Variants in RBBP5 observed in about 807,000 individuals in gnomAD.
The protein encoded by RBBP5 is retinoblastoma-binding protein 5.
In RBBP5, 5 loss-of-function variants were observed where a neutral mutation model predicts 72.2. The ratio of observed to expected loss-of-function variants is 0.07; its 90% CI spans 0.04 to 0.15. RBBP5 has a LOEUF of 0.15. RBBP5 is among the 10% of genes least tolerant of loss of function. The pLI is 1.00. For missense variants in RBBP5, 322 were observed against 652.2 expected (o/e 0.49, Z 5.51); for synonymous variants, 209 against 237.2 (o/e 0.88, Z 1.09).
rs556470217 is a variant in RBBP5, at chr1:205,106,554, C to T, written c.219-1386G>A. 9.4e-5 allele frequency among the ~76,000 whole-genome samples: 14 copies of T among 148,870 alleles called. No homozygotes were observed. The East Asian group carries it at 2.3e-3, about 25-fold the overall frequency. On this transcript the variant is annotated intron_variant, in intron 3 of 13. Coordinates refer to ENST00000264515, the MANE Select transcript of RBBP5 (RefSeq NM_005057.4). Reference sequence around the variant, plus strand: ...CAGAAGTTGCAGTGACCCAAGATGGCGCCACTGGGCTCCAGCCTAGGCAAC... The same window carrying T: ...CAGAAGTTGCAGTGACCCAAGATGGTGCCACTGGGCTCCAGCCTAGGCAAC...
chr1:205,093,412 T>A (rs1294307360), intron 13 of RBBP5, among the ~76,000 whole-genome samples: 1 of 140,352 alleles, frequency 7.1e-6, no homozygotes, highest in Non-Finnish European at 1.5e-5. Context: ...TGAGCTGAGA[T>A]CGCACCACTG....
At chr1:205,118,668 A>C (rs1378699329) in intron 1 of RBBP5, among the ~76,000 whole-genome samples, 2 of 152,170 alleles carry the variant, frequency 1.3e-5, no homozygotes, top group African/African-American at 4.8e-5. Context: ...ATCAGAGAAC[A>C]CTGAACATAA....
intron 6 of RBBP5, 52 bp downstream of exon 6, chr1:205,101,548 T>C: frequency 7.8e-7 from 1 of 1,282,074 alleles, no homozygotes; most frequent in Non-Finnish European, 1.1e-6. Context: ...CATGTATTTT[T>C]GCATTCTATT....
Position 205,103,889 on chromosome 1 carries a change from C to T in RBBP5, c.490G>A (p.Glu164Lys). 1 of 1,614,028 alleles carries T rather than the reference C, an allele frequency of 6.2e-7. No homozygotes were observed. The highest frequency in any genetic ancestry group is 1.1e-5 in the South Asian group (1 of 91,080). Residue 164 changes from glutamate (E) to lysine (K), a missense_variant, in exon 5 of 14, where the codon GAA (glutamate) becomes AAA (lysine). Glu to Lys is a moderately conservative substitution (Grantham distance 56, BLOSUM62 1). This residue lies in a region of RBBP5 where 161 missense variants were observed against 327.8 expected (regional missense o/e 0.49). Transcript: ENST00000264515. ...NVVASFDRRG[E>K]YIYTGNAKGK... ...TTTGCGTTTCCCGTATAAATATATT[C>T]CCCTCGCCTATCAAAAGATGCCACA...
At chr1:205,103,656 T>C (rs765864917) in intron 5 of RBBP5, among the ~76,000 whole-genome samples, 1 of 152,240 alleles carries the variant, frequency 6.6e-6, no homozygotes, top group Non-Finnish European at 1.5e-5. Context: ...CCCATGCTTT[T>C]CTAGGTCAAA....
At position 205,105,131 on chromosome 1, in the gene RBBP5, T is replaced by C; in HGVS notation, c.256A>G (p.Thr86Ala). The C allele has an allele frequency of 6.2e-7, 1 of 1,613,560 alleles. No individual in the cohort carries two copies. Among genetic ancestry groups the C allele is most frequent in the Non-Finnish European group, 8.5e-7 (1 of 1,179,922 alleles). The change falls in exon 4 of 14, where the codon ACT becomes GCT. Residue 86 changes from threonine to alanine, a missense_variant. By Grantham distance (58) the Thr-to-Ala change is moderately conservative (BLOSUM62 0). Transcript: ENST00000264515. ...RDGHKLVSAS[T>A]DNIVSQWDVL... ...TCCCACTGTGACACTATGTTATCAG[T>C]GGAAGCACTCACGAGTTTATGACCA... is the stretch of plus-strand genomic sequence containing the variant.
intron 12 of RBBP5, among the ~76,000 whole-genome samples, chr1:205,096,063 C>T (rs1655602989): frequency 6.6e-6 from 1 of 152,060 alleles, no homozygotes. Flanking sequence ...CGTGGTGGTG[C>T]ATGCCTGTAG....
chr1:205,099,869 T>C lies in RBBP5; in HGVS notation c.906+42A>G, dbSNP rs765338978. ...TGTTAAGAACAGATTTTAGATTTTT[T>C]GGATTATGTGACTAACAAAAGCAAT... is the stretch of plus-strand genomic sequence containing the variant. On this transcript the variant is annotated intron_variant, in intron 8 of 13. Coordinates refer to ENST00000264515, the MANE Select transcript of RBBP5 (RefSeq NM_005057.4). This position sits in a 1 kb window ranked among gnomAD's most constrained non-coding sequence, Gnocchi z 4.7. The C allele has an allele frequency of 6.2e-7, 1 of 1,613,632 alleles. No homozygotes were observed. The highest frequency in any genetic ancestry group is 1.7e-5 in the Admixed American group (1 of 59,970).
At chr1:205,106,990 G>A (rs991920000) in intron 3 of RBBP5, among the ~76,000 whole-genome samples, 3 of 151,894 alleles carry the variant, frequency 2.0e-5, no homozygotes, top group African/African-American at 7.3e-5. Context: ...CAAACTGGAA[G>A]ATGGAATAAA....
intron 13 of RBBP5, among the ~76,000 whole-genome samples, chr1:205,093,502 ATATATATATATATATATATATATATAT>A: frequency 1.2e-4 from 1 of 8,042 alleles, no homozygotes. Context: ...ATATATATAT[ATATATATATATATATATATATATATAT>A]ATATACACAC....
chr1:205,100,839 T>G (rs1019972148), intron 6 of RBBP5, among the ~76,000 whole-genome samples: 2 of 152,204 alleles, frequency 1.3e-5, no homozygotes, highest in African/African-American at 4.8e-5. Flanking sequence ...AAGACAATTT[T>G]TCCACGGCCC....
At chr1:205,104,885 C>G in intron 4 of RBBP5, 143 bp downstream of exon 4, 3 of 960,014 alleles carry the variant, frequency 3.1e-6, no homozygotes, top group Non-Finnish European at 4.6e-6. Flanking sequence ...TAGAGCCAAC[C>G]TAGATGGAAA....
Position 205,095,051 on chromosome 1 carries a change from T to A in RBBP5, c.1410A>T (p.Leu470=). The A allele has an allele frequency of 6.2e-7, 1 of 1,614,092 alleles. No individual in the cohort carries two copies. The highest frequency in any genetic ancestry group is 8.5e-7 in the Non-Finnish European group (1 of 1,179,998). ...ATTTGCCATCCCCCTTCACACCCAG[T>A]AGTGGATGGACTTCTGTAGGACAGA... The part of the protein sequence containing the change: ...QGVPNDEVHP[L]LGVKGDGKSK... Residue 470 remains leucine (L), a synonymous_variant, in exon 13 of 14, where the codon CTA becomes CTT. Transcript: ENST00000264515.
At chr1:205,090,628 T>G (rs893656901) in intron 13 of RBBP5, among the ~76,000 whole-genome samples, 4 of 152,178 alleles carry the variant, frequency 2.6e-5, no homozygotes, top group Admixed American at 1.3e-4. Context: ...ACATATTATT[T>G]AGCTACAACA....
At chr1:205,090,897 CAA>C (rs1287951157) in intron 13 of RBBP5, among the ~76,000 whole-genome samples, 1 of 148,506 alleles carries the variant, frequency 6.7e-6, no homozygotes, top group East Asian at 2.0e-4. Context: ...GAGAGAAAAA[CAA>C]AGAGAGAAAA....
chr1:205,113,487 T>C (rs1374373410), intron 3 of RBBP5, among the ~76,000 whole-genome samples: 2 of 151,992 alleles, frequency 1.3e-5, no homozygotes, highest in African/African-American at 4.8e-5. Flanking sequence ...ACTATGTTGG[T>C]CTCCTGGGCT....
In RBBP5 at chr1:205,087,553, G is replaced by GAAAAAAAAA. The variant is rs61068820; in HGVS notation, c.*1225_*1233dup. The GAAAAAAAAA allele has an allele frequency of 2.6e-5, 2 of 77,112 alleles. No individual in the cohort carries two copies. Among genetic ancestry groups the GAAAAAAAAA allele is most frequent in the Admixed American group, 1.4e-4 (1 of 6,956 alleles). The allele number at this position is 77,112 out of a possible 1,614,324, so 4.8% of individuals were successfully genotyped here. ...ATTTAAATTCTCCTTTTAAAATATT[G>GAAAAAAAAA]AAAAAAAAAAAAAAAAAAAAAAGAC... On this transcript the variant is annotated 3_prime_UTR_variant, in exon 14 of 14. Coordinates refer to ENST00000264515, the MANE Select transcript of RBBP5 (RefSeq NM_005057.4).
At position 205,099,902 on chromosome 1, in the gene RBBP5, T is replaced by C. The variant is rs755625143; in HGVS notation, c.906+9A>G. 7.4e-6 allele frequency: 12 copies of C among 1,613,974 alleles called. No homozygotes were observed. In the Admixed American group the frequency reaches 1.3e-4, roughly 18 times the overall value. ...GTGACTAACAAAAGCAATGTCCTAA[T>C]GTACTCACAGCTACATCCAAGAGGA... On this transcript the variant is annotated intron_variant, in intron 8 of 13. Coordinates refer to ENST00000264515, the MANE Select transcript of RBBP5 (RefSeq NM_005057.4). This position sits in a 1 kb window ranked among gnomAD's most constrained non-coding sequence, Gnocchi z 4.7.
intron 3 of RBBP5, among the ~76,000 whole-genome samples, chr1:205,113,522 C>G (rs1206888730): frequency 6.6e-6 from 1 of 152,088 alleles, no homozygotes; most frequent in Non-Finnish European, 1.5e-5. Context: ...ATCTCAGCCT[C>G]CCAAAGCGCT....
Sources: allele counts gnomAD v4.1 joint callset (sites outside exome capture counted in the v4.1 genomes callset), GRCh38; gene constraint gnomAD v4.1.1; regional missense constraint gnomAD v4.1.1; non-coding constraint Gnocchi (gnomAD v3.1); transcripts MANE v1.5; gene names NCBI Gene and HGNC (gene_info 2026-07-23, HGNC 2026-07-21).